CCL28: variants seen among roughly 807,000 people sequenced by gnomAD.
The protein encoded by CCL28 is C-C motif chemokine 28.
Under a neutral mutation model 7.1 loss-of-function variants are expected in CCL28, and 4 were observed. The observed-to-expected ratio is 0.56, with a 90% CI of 0.28 to 1.29. The LOEUF (loss-of-function observed/expected upper bound fraction) is 1.29. CCL28 is among the 50% of genes most tolerant of loss of function. The pLI, the probability that CCL28 is intolerant of heterozygous loss-of-function variation, is 0.11. For missense variants in CCL28, 151 were observed against 163.4 expected, an observed-to-expected ratio of 0.92 and a Z score of 0.41; for synonymous variants, 55 against 57.8, an observed-to-expected ratio of 0.95 and a Z score of 0.22.
chr5:43,409,123 T>A (rs549421927), intron 1 of CCL28, among the ~76,000 whole-genome samples: 43 of 152,084 alleles, frequency 2.8e-4, no homozygotes, highest in Middle Eastern at 3.4e-3. Flanking sequence ...ACAAGAAAAA[T>A]TTTTTTAATT....
chr5:43,366,900 G>A, the CCL28 span, among the ~76,000 whole-genome samples: 765 of 152,380 alleles, frequency 5.0e-3, 8 homozygotes, highest in African/African-American at 0.018. Flanking sequence ...CTGAGCTGCT[G>A]TGGGTTCCAC....
Position 43,381,948 on chromosome 5 carries a change from C to A in CCL28, c.296G>T (p.Cys99Phe), listed in dbSNP as rs1441793794. ...CTTGCCATGGTGTTTCTTCCTGTGG[C>A]AAACATTTCCTTTACCATTTTTCTT... ...AAKKNGKGNV[C>F]HRKKHHGKRN... The change falls in exon 3 of 3, where the codon TGC (cysteine) becomes TTC (phenylalanine). Residue 99 changes from cysteine (C) to phenylalanine (F), a missense_variant. Transcript: ENST00000361115. 1 of 1,614,136 alleles carries A rather than the reference C, an allele frequency of 6.2e-7. No homozygotes were observed. The highest frequency in any genetic ancestry group is 2.2e-5 in the East Asian group (1 of 44,884).
chr5:43,388,921 G>A (rs151183259), intron 1 of CCL28, among the ~76,000 whole-genome samples: 1 of 152,356 alleles, frequency 6.6e-6, no homozygotes, highest in African/African-American at 2.4e-5. Context: ...TAATAGTCCA[G>A]TGGGAGGCAG....
chr5:43,358,330 G>T, the CCL28 span, among the ~76,000 whole-genome samples: 3 of 152,164 alleles, frequency 2.0e-5, no homozygotes, highest in Non-Finnish European at 2.9e-5. Flanking sequence ...TGGCTTTATA[G>T]ACAGAAAAGG....
chr5:43,363,789 C>A, the CCL28 span, among the ~76,000 whole-genome samples: 91 of 152,278 alleles, frequency 6.0e-4, 1 homozygote, highest in African/African-American at 2.1e-3. Context: ...TACCTACATA[C>A]CTCTTTTCCA....
At chr5:43,388,264 C>G (rs1396075494) in intron 2 of CCL28, 86 bp downstream of exon 2, 1 of 1,512,868 alleles carries the variant, frequency 6.6e-7, no homozygotes, top group Non-Finnish European at 9.0e-7. Context: ...ATGTTGTAAT[C>G]AAGCAAAGCC....
At chr5:43,357,088 T>A in the CCL28 span, among the ~76,000 whole-genome samples, 269 of 152,274 alleles carry the variant, frequency 1.8e-3, 6 homozygotes, top group Admixed American at 0.015. Context: ...CCAGTTTAGA[T>A]CTGTGCTGGG....
chr5:43,397,110 A>G (rs917225758), intron 1 of CCL28: 1 of 152,280 alleles, frequency 6.6e-6, no homozygotes, highest in Non-Finnish European at 1.5e-5. Context: ...AGAAGCTGCC[A>G]AAGTATAACA....
At chr5:43,361,742 G>A in the CCL28 span, among the ~76,000 whole-genome samples, 2 of 152,118 alleles carry the variant, frequency 1.3e-5, no homozygotes, top group African/African-American at 4.8e-5. Flanking sequence ...TTATTGAATA[G>A]GGAGTCCCTT....
chr5:43,408,664 T>A (rs1741404313), intron 1 of CCL28, among the ~76,000 whole-genome samples: 1 of 152,076 alleles, frequency 6.6e-6, no homozygotes, highest in Non-Finnish European at 1.5e-5. Flanking sequence ...TGGATGTATG[T>A]GTGGGTTCAC....
intron 1 of CCL28, among the ~76,000 whole-genome samples, chr5:43,393,766 T>C (rs2111798772): frequency 6.6e-6 from 1 of 152,342 alleles, no homozygotes; most frequent in East Asian, 1.9e-4. Context: ...TCAGTTTTTG[T>C]AATAATAGCT....
intron 1 of CCL28, among the ~76,000 whole-genome samples, chr5:43,392,713 C>CT (rs1223771430): frequency 6.6e-6 from 1 of 152,142 alleles, no homozygotes; most frequent in Admixed American, 6.6e-5. Context: ...CTTAATGTGG[C>CT]TTCATTTGTG....
chr5:43,392,268 C>G lies in CCL28; in HGVS notation c.65-3792G>C, dbSNP rs1360270241. On this transcript the variant is annotated intron_variant, in intron 1 of 2. Coordinates refer to ENST00000361115, the MANE Select transcript of CCL28 (RefSeq NM_148672.3). ...TGTAGCTGGAATTAAAGGTGTGTGC[C>G]AACACGCCTGTTTAATTTTTGTATT... Among the ~76,000 whole-genome samples the G allele has an allele frequency of 2.0e-5, 3 of 152,216 alleles. No individual in the cohort carries two copies. The East Asian group carries it at 5.8e-4, about 29-fold the overall frequency.
chr5:43,372,053 T>C (rs1459313635), downstream of CCL28, among the ~76,000 whole-genome samples: 1 of 152,108 alleles, frequency 6.6e-6, no homozygotes, highest in Non-Finnish European at 1.5e-5. Context: ...CAACCTGCTT[T>C]CCAGATTAGT....
chr5:43,409,758 C>T (rs1741457967), intron 1 of CCL28, among the ~76,000 whole-genome samples: 1 of 152,058 alleles, frequency 6.6e-6, no homozygotes, highest in African/African-American at 2.4e-5. Flanking sequence ...CACAAGTGAG[C>T]CTTAATCTTA....
Position 43,380,128 on chromosome 5 carries a change from A to T in CCL28, c.*1732T>A, listed in dbSNP as rs1394205101. On this transcript the variant is annotated 3_prime_UTR_variant, in exon 3 of 3. Coordinates refer to ENST00000361115, the MANE Select transcript of CCL28 (RefSeq NM_148672.3). ...AGAGTGAGACTCTGTCTCAAAAAAA[A>T]ACAACCAAACAACAACAAAAACGTG... The T allele has an allele frequency of 6.6e-6, 1 of 152,060 alleles. No individual in the cohort carries two copies. The highest frequency in any genetic ancestry group is 1.5e-5 in the Non-Finnish European group (1 of 68,056). 9.4% of individuals were successfully genotyped at this position (152,060 alleles called of 1,614,324 possible). A position where few individuals can be genotyped will look rare whatever the true frequency, so the allele number is the denominator to read the frequency against.
intron 1 of CCL28, among the ~76,000 whole-genome samples, chr5:43,398,042 G>A (rs992269514): frequency 3.1e-4 from 47 of 152,204 alleles, no homozygotes; most frequent in African/African-American, 1.1e-3. Flanking sequence ...TTTTTGAATC[G>A]TAGAAGTGTG....
the CCL28 span, among the ~76,000 whole-genome samples, chr5:43,359,000 T>G: frequency 1.3e-5 from 2 of 152,118 alleles, no homozygotes; most frequent in Non-Finnish European, 2.9e-5. Flanking sequence ...ATAATAATAA[T>G]CCCTTCCTAA....
At chr5:43,359,720 T>G in the CCL28 span, among the ~76,000 whole-genome samples, 1 of 152,164 alleles carries the variant, frequency 6.6e-6, no homozygotes, top group African/African-American at 2.4e-5. Flanking sequence ...ATCACAAGAT[T>G]TGTAACTTCC....
Sources: gnomAD v4.1 joint callset for allele counts (sites outside exome capture counted in the v4.1 genomes callset) on GRCh38, gnomAD v4.1.1 for gene constraint, MANE v1.5 for transcripts, NCBI Gene and HGNC (gene_info 2026-07-23, HGNC 2026-07-21) for gene names.